DPF3: variants seen among roughly 807,000 people sequenced by gnomAD.
DPF3 encodes double PHD fingers 3.
Under a neutral mutation model 56.8 loss-of-function variants are expected in DPF3, and 18 were observed. The ratio of observed to expected loss-of-function variants is 0.32; its 90% CI spans 0.22 to 0.47. The LOEUF (loss-of-function observed/expected upper bound fraction) is 0.47, where lower values mean the gene tolerates loss of function less well. Ranked by LOEUF, DPF3 falls within the 20% of genes least tolerant of loss-of-function variation. The pLI is 1.00. For missense variants in DPF3, 403 were observed against 488.8 expected (o/e 0.82, Z 1.65); for synonymous variants, 188 against 180.2 (o/e 1.04, Z -0.35).
At chr14:72,738,077 T>C (rs750190894) in intron 3 of DPF3, among the ~76,000 whole-genome samples, 28 of 152,134 alleles carry the variant, frequency 1.8e-4, no homozygotes, top group Non-Finnish European at 3.8e-4. Flanking sequence ...CCCATCAGAC[T>C]GTCAGACTCG....
chr14:72,840,378 T>C (rs776183102), intron 1 of DPF3, among the ~76,000 whole-genome samples: 4 of 152,208 alleles, frequency 2.6e-5, no homozygotes, highest in Non-Finnish European at 4.4e-5. Context: ...TATGCATATG[T>C]ATAATTTATT....
chr14:72,832,261 A>G (rs1440656771), intron 1 of DPF3, among the ~76,000 whole-genome samples: 1 of 152,164 alleles, frequency 6.6e-6, no homozygotes, highest in Admixed American at 6.6e-5. Flanking sequence ...TTGAGGGAGA[A>G]AGATAAAGCA....
chr14:72,849,823 T>C (rs1884903196), intron 1 of DPF3, among the ~76,000 whole-genome samples: 1 of 151,966 alleles, frequency 6.6e-6, no homozygotes, highest in Non-Finnish European at 1.5e-5. Flanking sequence ...GAAAACTGAG[T>C]TAGCTAGGTT....
At chr14:72,629,835 G>A in intron 8 of DPF3, 99 bp from the exon 9 acceptor site, 1 of 1,006,474 alleles carries the variant, frequency 9.9e-7, no homozygotes, top group East Asian at 2.6e-5. Context: ...TGTGCAGGCA[G>A]GGCAGGGTAG....
chr14:72,692,107 T>G (rs969740710), intron 7 of DPF3, among the ~76,000 whole-genome samples: 2 of 152,248 alleles, frequency 1.3e-5, no homozygotes, highest in African/African-American at 4.8e-5. Flanking sequence ...ATCAGTTGAC[T>G]AAGTCGTTGG....
At chr14:72,638,363 G>A (rs1256056897) in intron 8 of DPF3, among the ~76,000 whole-genome samples, 1 of 152,192 alleles carries the variant, frequency 6.6e-6, no homozygotes, top group Non-Finnish European at 1.5e-5. Context: ...GACCTCAGGA[G>A]CATCCAACCA....
intron 3 of DPF3, among the ~76,000 whole-genome samples, chr14:72,741,917 C>T (rs1890137001): frequency 6.6e-6 from 1 of 152,258 alleles, no homozygotes; most frequent in South Asian, 2.1e-4. Flanking sequence ...TGCCACTGTC[C>T]TGCCCACTGC....
In DPF3 at chr14:72,614,666, G is replaced by A. The variant is rs572631375; in HGVS notation, c.*4631C>T. ...ATCCCTGAAACCCCACACAACCAAC[G>A]GGCGGCCTCAAGAAAGAGGGAGCTG... On this transcript the variant is annotated 3_prime_UTR_variant, in exon 11 of 11. Coordinates refer to ENST00000556509, the MANE Select transcript of DPF3 (RefSeq NM_001280542.3). Among the ~76,000 whole-genome samples, 8 of 150,748 alleles carry A rather than the reference G, an allele frequency of 5.3e-5. No individual in the cohort carries two copies. The highest frequency in any genetic ancestry group is 1.7e-4 in the African/African-American group (7 of 40,888).
At chr14:72,621,967 G>A (rs1884476803) in intron 9 of DPF3, among the ~76,000 whole-genome samples, 1 of 152,190 alleles carries the variant, frequency 6.6e-6, no homozygotes, top group South Asian at 2.1e-4. Flanking sequence ...GGAGGCTGTT[G>A]AAGAGAGCAG....
chr14:72,884,940 CTATATATA>C lies in DPF3; in HGVS notation c.32+9109_32+9116del, dbSNP rs773450437. On this transcript the variant is annotated intron_variant, in intron 1 of 10. Coordinates refer to ENST00000556509, the MANE Select transcript of DPF3 (RefSeq NM_001280542.3). ...TGAAACCCCGTCTCTACTAAAAATACTATATATATATATATATATATATATATATATTA... is the reference window on the plus strand; with the variant it reads ...TGAAACCCCGTCTCTACTAAAAATACTATATATATATATATATATATATTA... Among the ~76,000 whole-genome samples the C allele has an allele frequency of 4.2e-3, 125 of 29,618 alleles. 20 individuals are homozygous for C. The highest frequency in any genetic ancestry group is 6.4e-3 in the Non-Finnish European group (74 of 11,568). 19.4% of individuals were successfully genotyped at this position (29,618 alleles called of 152,430 possible). A position where few individuals can be genotyped will look rare whatever the true frequency, so the allele number is the denominator to read the frequency against.
intron 1 of DPF3, among the ~76,000 whole-genome samples, chr14:72,790,310 GA>G (rs1892375871): frequency 6.6e-6 from 1 of 152,110 alleles, no homozygotes; most frequent in African/African-American, 2.4e-5. Context: ...AGCTTCCTGG[GA>G]GAAAGACTGG....
intron 6 of DPF3, among the ~76,000 whole-genome samples, chr14:72,702,861 C>G (rs1057157142): frequency 1.4e-4 from 21 of 152,104 alleles, no homozygotes; most frequent in African/African-American, 5.1e-4. Flanking sequence ...TGGATCCAAC[C>G]CCCAGGTGGG....
At chr14:72,843,665 C>G (rs12888977) in intron 1 of DPF3, among the ~76,000 whole-genome samples, 73,720 of 152,086 alleles carry the variant, frequency 0.48, 18,799 homozygotes, top group East Asian at 0.86. Context: ...GCCTCAGCCT[C>G]CTGAGTAGCT....
At chr14:72,719,659 T>C (rs1889085618) in intron 5 of DPF3, among the ~76,000 whole-genome samples, 1 of 152,174 alleles carries the variant, frequency 6.6e-6, no homozygotes, top group East Asian at 1.9e-4. Flanking sequence ...TGGGCTGAAG[T>C]TACCAAAGAC....
chr14:72,847,770 C>T (rs111540451), intron 1 of DPF3, among the ~76,000 whole-genome samples: 11,405 of 152,278 alleles, frequency 0.075, 642 homozygotes, highest in South Asian at 0.18. Flanking sequence ...CCTCAGCCTC[C>T]CAAAGTGCTG....
intron 5 of DPF3, 34 bp downstream of exon 5, chr14:72,723,599 A>G: frequency 6.5e-7 from 1 of 1,537,974 alleles, no homozygotes; most frequent in Non-Finnish European, 8.7e-7. Context: ...AGCCTCCCTC[A>G]TCTCTTTCCT....
chr14:72,845,397 G>C (rs927406344), intron 1 of DPF3, among the ~76,000 whole-genome samples: 1 of 152,176 alleles, frequency 6.6e-6, no homozygotes, highest in Non-Finnish European at 1.5e-5. Flanking sequence ...AGTTACGAAA[G>C]GCAGGCAGGA....
At chr14:72,695,873 C>T (rs1207110274) in intron 6 of DPF3, among the ~76,000 whole-genome samples, 1 of 152,074 alleles carries the variant, frequency 6.6e-6, no homozygotes, top group Non-Finnish European at 1.5e-5. Context: ...TCATTGGCTA[C>T]TTACATTCAT....
At chr14:72,764,918 G>T (rs1166384340) in intron 2 of DPF3, among the ~76,000 whole-genome samples, 1 of 152,194 alleles carries the variant, frequency 6.6e-6, no homozygotes, top group Non-Finnish European at 1.5e-5. Flanking sequence ...TTGAGGCAGT[G>T]CTGTGGGCTG....
Sources: gnomAD v4.1 joint callset for allele counts (sites outside exome capture counted in the v4.1 genomes callset) on GRCh38, gnomAD v4.1.1 for gene constraint, MANE v1.5 for transcripts, NCBI Gene and HGNC (gene_info 2026-07-23, HGNC 2026-07-21) for gene names.